Variants in TNS1 observed in about 807,000 individuals in gnomAD.
The protein encoded by TNS1 is tensin 1, also known as tensin-1.
TNS1 carries 62 observed loss-of-function variants against 168.6 expected under a neutral mutation model. The observed-to-expected ratio is 0.37, with a 90% CI of 0.30 to 0.45. The LOEUF (loss-of-function observed/expected upper bound fraction) is 0.45, where lower values mean the gene tolerates loss of function less well. Ranked by LOEUF, TNS1 falls within the 20% of genes least tolerant of loss-of-function variation. TNS1 has a pLI of 1.00. For synonymous variants in TNS1, 934 were observed against 933.2 expected (o/e 1.00, Z -0.02); for missense variants, 2,240 against 2,339.4 (o/e 0.96, Z 0.88).
rs1205942386 is a variant in TNS1 at position 217,885,658 on chromosome 2, C to A, written c.1116+86G>T. The stretch of plus-strand genomic sequence containing the variant: ...CTGGCAGCCCAGGAGGAGTACCTGT[C>A]TTGTCCCAAGAGGCAGGAAAGGAGT... On this transcript the variant is annotated intron_variant, in intron 15 of 32. Coordinates refer to ENST00000682258, the MANE Select transcript of TNS1 (RefSeq NM_001387777.1). 7 of 1,432,042 alleles carry A rather than the reference C, an allele frequency of 4.9e-6. No homozygotes were observed. In the East Asian group the frequency reaches 1.6e-4, roughly 33 times the overall value. The allele number at this position is 1,432,042 out of a possible 1,614,324, so 88.7% of individuals were successfully genotyped here. A position where few individuals can be genotyped will look rare whatever the true frequency, so the allele number is the denominator to read the frequency against.
intron 1 of TNS1, among the ~76,000 whole-genome samples, chr2:218,001,699 C>A (rs1039362584): frequency 6.6e-6 from 1 of 152,182 alleles, no homozygotes; most frequent in Non-Finnish European, 1.5e-5. Context: ...CCCAGCCCAA[C>A]ATGCCACCCA....
chr2:217,830,102 GCCCA>G (rs1369619772), intron 22 of TNS1: 3 of 639,138 alleles, frequency 4.7e-6, no homozygotes, highest in East Asian at 2.8e-4. Flanking sequence ...GAAGGCCGAG[GCCCA>G]CCCTGCAAAG....
At chr2:218,026,558 T>C (rs1159128217) in intron 1 of TNS1, among the ~76,000 whole-genome samples, 2 of 152,134 alleles carry the variant, frequency 1.3e-5, no homozygotes, top group Non-Finnish European at 2.9e-5. Context: ...GGTTGGAATA[T>C]TGGGCCCAAG....
chr2:217,903,660 C>A (rs968367497), intron 6 of TNS1: 1 of 1,462,622 alleles, frequency 6.8e-7, no homozygotes, highest in African/African-American at 1.4e-5. Context: ...ATTCGACAGC[C>A]TCCCAGACAG....
chr2:217,822,356 G>A (rs2125202231), intron 22 of TNS1, among the ~76,000 whole-genome samples: 1 of 152,262 alleles, frequency 6.6e-6, no homozygotes, highest in Admixed American at 6.5e-5. Context: ...TGCCTTGCCT[G>A]TATCCCAGGA....
rs140830200 is a variant in TNS1 at position 217,818,037 on chromosome 2, G to A, written c.4295C>T (p.Thr1432Ile). ...CAGTGTGGGTCTCCGATCCTCCGGGGTAGAATAGCCACCATAGGCCACATG... is the reference window on the plus strand; with the variant it reads ...CAGTGTGGGTCTCCGATCCTCCGGGATAGAATAGCCACCATAGGCCACATG... The part of the protein sequence containing the change: ...DRHVAYGGYS[T>I]PEDRRPTLSR... The change falls in exon 24 of 33, where the codon ACC becomes ATC. Residue 1432 changes from threonine (T) to isoleucine (I), a missense_variant. By Grantham distance (89) the Thr-to-Ile change is moderately conservative. Transcript: ENST00000682258. The A allele has an allele frequency of 8.7e-6, 14 of 1,603,640 alleles. No homozygotes were observed. Among genetic ancestry groups the A allele is most frequent in the East Asian group, 2.2e-5 (1 of 44,512 alleles).
At chr2:218,008,430 A>G (rs2105996248) in intron 1 of TNS1, among the ~76,000 whole-genome samples, 1 of 152,230 alleles carries the variant, frequency 6.6e-6, no homozygotes, top group Non-Finnish European at 1.5e-5. Context: ...CTGGGGTCCA[A>G]CTGACCTGGT....
At chr2:217,879,045 T>C (rs1950447858) in intron 18 of TNS1, among the ~76,000 whole-genome samples, 1 of 152,196 alleles carries the variant, frequency 6.6e-6, no homozygotes, top group African/African-American at 2.4e-5. Context: ...GCTGAGAAGC[T>C]GGCCCTCTGC....
chr2:217,936,714 C>T (rs1956627202), intron 3 of TNS1, among the ~76,000 whole-genome samples: 3 of 152,138 alleles, frequency 2.0e-5, no homozygotes, highest in Non-Finnish European at 4.4e-5. Flanking sequence ...GAATATCCCC[C>T]CATCTTGAGC....
intron 3 of TNS1, among the ~76,000 whole-genome samples, chr2:217,953,689 T>C (rs1241652779): frequency 1.3e-5 from 2 of 152,124 alleles, no homozygotes; most frequent in East Asian, 3.9e-4. Flanking sequence ...GGTGACGCCC[T>C]GGGTCAGCTA....
rs888749341 is a variant in TNS1, at chr2:218,033,904, C to G, written c.72G>C (p.Pro24=). The stretch of plus-strand genomic sequence containing the variant: ...CCCGCGCCGAGACCCAGGGACTCCC[C>G]GGGGGCTGGGGACCGCAGAGTGGTC... Residue 24 remains proline (P), a synonymous_variant, in exon 1 of 2, where the codon CCG becomes CCC. Coordinates refer to the TNS1 transcript ENST00000649572. The surrounding 1 kb of genome is among the most constrained non-coding windows in gnomAD (Gnocchi z 4.3). 6.6e-6 allele frequency among the ~76,000 whole-genome samples: 1 copy of G among 152,206 alleles called. No homozygotes were observed. The highest frequency in any genetic ancestry group is 1.5e-5 in the Non-Finnish European group (1 of 68,022).
chr2:217,902,988 C>T (rs1165959204), intron 6 of TNS1, among the ~76,000 whole-genome samples: 8 of 152,100 alleles, frequency 5.3e-5, no homozygotes, highest in Non-Finnish European at 1.0e-4. Flanking sequence ...GGCAGGGGCA[C>T]GGCATGTCAG....
intron 24 of TNS1, 86 bp downstream of exon 24, chr2:217,817,604 G>A (rs750242547): frequency 2.5e-6 from 3 of 1,215,104 alleles, no homozygotes; most frequent in Non-Finnish European, 3.4e-6. Context: ...CCAAGAGAAT[G>A]TCAGAATAGA....
Position 217,817,909 on chromosome 2 carries a change from A to G in TNS1, c.4423T>C (p.Ser1475Pro). ...TGCCGGAAGGCTGCGGAGTCTGGTG[A>G]CGGGGAGGTGGCAGGGCTGCTCAGG... ...PGLSSPATSP[S>P]PDSAAFRQGS... The change falls in exon 24 of 33, where the codon TCA becomes CCA. Residue 1475 changes from serine (S) to proline (P), a missense_variant. By Grantham distance (74) the Ser-to-Pro change is moderately conservative (BLOSUM62 -1). Transcript: ENST00000682258. The G allele has an allele frequency of 6.2e-7, 1 of 1,613,854 alleles. No homozygotes were observed. Among genetic ancestry groups the G allele is most frequent in the Non-Finnish European group, 8.5e-7 (1 of 1,179,864 alleles).
intron 8 of TNS1, among the ~76,000 whole-genome samples, chr2:217,897,299 G>T (rs142405249): frequency 1.3e-5 from 2 of 152,302 alleles, no homozygotes; most frequent in East Asian, 3.9e-4. Flanking sequence ...CAGCAACCCA[G>T]GGTCCCTTAA....
In TNS1 at chr2:217,804,009, C is replaced by A. The variant is rs1063281; in HGVS notation, c.*450G>T. 1 of 156,100 alleles carries A rather than the reference C, an allele frequency of 6.4e-6. No individual in the cohort carries two copies. The highest frequency in any genetic ancestry group is 2.4e-5 in the African/African-American group (1 of 41,380). The allele number at this position is 156,100 out of a possible 1,614,324, so 9.7% of individuals were successfully genotyped here. The stretch of plus-strand genomic sequence containing the variant: ...CTCTGTTTGGTTTGACAACCTACCC[C>A]ACAGGTGGCCAGAAAAAGATTCTCC... On this transcript the variant is annotated 3_prime_UTR_variant, in exon 33 of 33. Transcript: ENST00000682258.
In TNS1 at chr2:217,824,136, G is replaced by A. The variant is rs539794158; in HGVS notation, c.3374-2198C>T. On this transcript the variant is annotated intron_variant, in intron 22 of 32. Transcript: ENST00000682258. The stretch of plus-strand genomic sequence containing the variant: ...CAGCTTACATAGACAACAGGACAGT[G>A]AATGGGCATGGTTGGGTTGCAATCA... Among the ~76,000 whole-genome samples the A allele has an allele frequency of 8.0e-4, 122 of 152,362 alleles. 1 individual carries two copies. The highest frequency in any genetic ancestry group is 2.7e-3 in the African/African-American group (114 of 41,580).
chr2:217,872,532 C>T (rs991356131), intron 18 of TNS1, among the ~76,000 whole-genome samples: 2 of 152,216 alleles, frequency 1.3e-5, no homozygotes, highest in Non-Finnish European at 2.9e-5. Context: ...ACTAGGATGG[C>T]TAGCATCCAA....
intron 1 of TNS1, among the ~76,000 whole-genome samples, chr2:218,031,325 G>C (rs1395107303): frequency 6.8e-6 from 1 of 147,170 alleles, no homozygotes; most frequent in African/African-American, 2.5e-5. Context: ...GTGGGTGTGT[G>C]AGCATGTCTG....
Sources: allele counts gnomAD v4.1 joint callset (sites outside exome capture counted in the v4.1 genomes callset), GRCh38; gene constraint gnomAD v4.1.1; non-coding constraint Gnocchi (gnomAD v3.1); transcripts MANE v1.5; gene names NCBI Gene and HGNC (gene_info 2026-07-23, HGNC 2026-07-21).